Variants in PCNT observed in about 807,000 individuals in gnomAD.
PCNT encodes kendrin.
Under a neutral mutation model 380.4 loss-of-function variants are expected in PCNT, and 319 were observed. That is an observed-to-expected ratio of 0.84 (90% CI 0.77 to 0.92). The LOEUF is 0.92. Among genes scored for constraint, PCNT ranks in the 40% least tolerant of loss-of-function variants. PCNT has a pLI of 0.00. For synonymous variants in PCNT, 1,845 were observed against 1,735.2 expected (o/e 1.06, Z -1.57); for missense variants, 4,400 against 4,255.3 (o/e 1.03, Z -0.95).
chr21:46,353,222 G>C lies in PCNT; in HGVS notation c.1575G>C (p.Lys525Asn), dbSNP rs2084341524. The stretch of plus-strand genomic sequence containing the variant: ...AGCAACTGAGGATTTATTTTGAAAA[G>C]AAGTTAAGGGATGCTGAGAAAACTT... The part of the protein sequence containing the change: ...ELEQLRIYFE[K>N]KLRDAEKTYQ... Residue 525 changes from lysine (K) to asparagine (N), a missense_variant, in exon 10 of 47, where the codon AAG (lysine) becomes AAC (asparagine). Coordinates refer to ENST00000359568, the MANE Select transcript of PCNT (RefSeq NM_006031.6). 1 of 1,614,046 alleles carries C rather than the reference G, an allele frequency of 6.2e-7. No homozygotes were observed. Among genetic ancestry groups the C allele is most frequent in the African/African-American group, 1.3e-5 (1 of 74,922 alleles).
Position 46,328,990 on chromosome 21 carries a change from G to A in PCNT, c.267+2401G>A, listed in dbSNP as rs534405872. Among the ~76,000 whole-genome samples the A allele has an allele frequency of 3.3e-5, 5 of 150,724 alleles. No individual in the cohort carries two copies. The East Asian group carries it at 9.9e-4, about 30-fold the overall frequency. On this transcript the variant is annotated intron_variant, in intron 2 of 46. Coordinates refer to ENST00000359568, the MANE Select transcript of PCNT (RefSeq NM_006031.6). ...GGGGTTTCACCACATTGGCCAGGCT[G>A]GTCTCGAACTCCTGACCTCGTGATC...
chr21:46,330,861 C>T (rs982157250), intron 2 of PCNT, among the ~76,000 whole-genome samples: 3 of 152,166 alleles, frequency 2.0e-5, no homozygotes, highest in African/African-American at 2.4e-5. Context: ...CATGCTGCGT[C>T]GGAGATCAGG....
intron 15 of PCNT, among the ~76,000 whole-genome samples, chr21:46,378,657 C>T (rs952398454): frequency 3.9e-5 from 6 of 152,180 alleles, no homozygotes; most frequent in Non-Finnish European, 5.9e-5. Flanking sequence ...TTCAAAATGA[C>T]GTTGAACACA....
Position 46,390,797 on chromosome 21 carries a change from A to G in PCNT, c.3968A>G (p.Lys1323Arg). Residue 1323 changes from lysine (K) to arginine (R), a missense_variant, in exon 20 of 47, where the codon AAG (lysine) becomes AGG (arginine). Lys to Arg is a conservative substitution (Grantham distance 26). Transcript: ENST00000359568. ...LECLKEESAA[K>R]AELALELHKT... ...TGTTTGAAGGAGGAGAGCGCAGCAA[A>G]GGCAGAGCTGGCGCTGGAGCTGCAC... 4 of 1,611,754 alleles carry G rather than the reference A, an allele frequency of 2.5e-6. No homozygotes were observed. The highest frequency in any genetic ancestry group is 3.4e-6 in the Non-Finnish European group (4 of 1,179,384).
At chr21:46,404,368 C>CT (rs2086560580) in intron 27 of PCNT, among the ~76,000 whole-genome samples, 1 of 144,290 alleles carries the variant, frequency 6.9e-6, no homozygotes, top group Non-Finnish European at 1.6e-5. Context: ...TCTGTCGGCT[C>CT]TGTTTTGATA....
At chr21:46,365,910 A>ATGGGGTTCTATTCATTCACTGCTG (rs2084911510) in intron 14 of PCNT, among the ~76,000 whole-genome samples, 4 of 116,976 alleles carry the variant, frequency 3.4e-5, no homozygotes, top group Non-Finnish European at 6.6e-5. Context: ...GTTCACTGCC[A>ATGGGGTTCTATTCATTCACTGCTG]TGGGGTTCTA....
chr21:46,416,901 A>G, intron 30 of PCNT, 62 bp downstream of exon 30: 1 of 1,527,958 alleles, frequency 6.5e-7, no homozygotes, highest in Non-Finnish European at 8.8e-7. Context: ...GCCCGGCGCC[A>G]CGGCAGCTGC....
At chr21:46,327,914 A>ACTGAGTC (rs2083441848) in intron 2 of PCNT, among the ~76,000 whole-genome samples, 1 of 152,182 alleles carries the variant, frequency 6.6e-6, no homozygotes, top group Admixed American at 6.5e-5. Context: ...GTGAGTGCAC[A>ACTGAGTC]CTGAGTCCTG....
rs776508471 is a variant in PCNT at position 46,326,605 on chromosome 21, G to A, written c.267+16G>A. The A allele has an allele frequency of 3.1e-6, 5 of 1,608,186 alleles. No individual in the cohort carries two copies. Among genetic ancestry groups the A allele is most frequent in the East Asian group, 2.2e-5 (1 of 44,868 alleles). On this transcript the variant is annotated intron_variant, in intron 2 of 46. Transcript: ENST00000359568. ...TGCAGCTCAGGTAGATTTGCTCAAT[G>A]TTGTATTTGAACATTTCGCTTATCT...
intron 27 of PCNT, among the ~76,000 whole-genome samples, chr21:46,409,586 T>G (rs1443283251): frequency 6.6e-6 from 1 of 152,220 alleles, no homozygotes; most frequent in Admixed American, 6.5e-5. Context: ...TGAATATGCT[T>G]GCATACGCTT....
Position 46,411,771 on chromosome 21 carries a change from C to G in PCNT, c.5698C>G (p.Arg1900Gly), listed in dbSNP as rs529740865. 2 of 1,606,598 alleles carry G rather than the reference C, an allele frequency of 1.2e-6. No homozygotes were observed. The highest frequency in any genetic ancestry group is 2.2e-5 in the East Asian group (1 of 44,734). Residue 1900 changes from arginine (R) to glycine (G), a missense_variant, in exon 28 of 47, where the codon CGC (arginine) becomes GGC (glycine). Transcript: ENST00000359568. ...GGAGGCCGTCCTGTTGGCCTTGGCCCGCATCCGCCGCGCCCTGGAGCAGCA... is the reference window on the plus strand; with the variant it reads ...GGAGGCCGTCCTGTTGGCCTTGGCCGGCATCCGCCGCGCCCTGGAGCAGCA... ...ELEAVLLALA[R>G]IRRALEQQPL...
intron 32 of PCNT, 54 bp downstream of exon 32, chr21:46,422,178 C>T: frequency 9.4e-6 from 15 of 1,602,106 alleles, no homozygotes; most frequent in Non-Finnish European, 1.3e-5. Flanking sequence ...CTCGGGGCAT[C>T]CCCCAAGCCC....
intron 15 of PCNT, among the ~76,000 whole-genome samples, chr21:46,368,915 G>A (rs761896691): frequency 3.1e-4 from 47 of 152,390 alleles, no homozygotes; most frequent in Middle Eastern, 3.4e-3. Context: ...GCATGCCACG[G>A]GAGGGCTTCC....
rs2087920008 is a variant in PCNT at position 46,435,281 on chromosome 21, A to G, written c.8752-623A>G. On this transcript the variant is annotated intron_variant, in intron 38 of 46. Coordinates refer to ENST00000359568, the MANE Select transcript of PCNT (RefSeq NM_006031.6). ...TCACTCTGTCGCCAGGCTGGAGTGC[A>G]GTGGCGCAATCTCAGCTCACTGTAA... Among the ~76,000 whole-genome samples, 6 of 152,022 alleles carry G rather than the reference A, an allele frequency of 3.9e-5. No homozygotes were observed. The South Asian group carries it at 1.0e-3, about 26-fold the overall frequency.
Position 46,441,006 on chromosome 21 carries a change from C to T in PCNT, c.9545C>T (p.Ser3182Phe). The change falls in exon 43 of 47, where the codon TCC (serine) becomes TTC (phenylalanine). Residue 3182 changes from serine to phenylalanine, a missense_variant. Ser to Phe is a radical substitution (Grantham distance 155). Transcript: ENST00000359568. ...SMIAHLGVFPSKAERKITSRP... is the reference protein window; with the variant it reads ...SMIAHLGVFPFKAERKITSRP... The stretch of plus-strand genomic sequence containing the variant: ...ATTGCCCATTTGGGGGTATTTCCTT[C>T]CAAAGCAGAACGGAAAATCACATCT... 1 of 1,614,146 alleles carries T rather than the reference C, an allele frequency of 6.2e-7. No individual in the cohort carries two copies. Among genetic ancestry groups the T allele is most frequent in the Non-Finnish European group, 8.5e-7 (1 of 1,179,986 alleles).
In PCNT at chr21:46,348,941, A is replaced by G. The variant is rs150809361; in HGVS notation, c.1033-71A>G. 1,562 of 1,065,142 alleles carry G rather than the reference A, an allele frequency of 1.5e-3. 33 individuals are homozygous for G. The East Asian group carries it at 0.034, about 23-fold the overall frequency. 66.0% of individuals were successfully genotyped at this position (1,065,142 alleles called of 1,614,324 possible). ...TTGCCTGGCCTGCTCAGAGGTTTTG[A>G]CTGTGTGATTTAAATTTCTTTAGCA... On this transcript the variant is annotated intron_variant, in intron 6 of 46. Transcript: ENST00000359568.
At chr21:46,403,484 C>G (rs1336359657) in intron 27 of PCNT, among the ~76,000 whole-genome samples, 1 of 121,134 alleles carries the variant, frequency 8.3e-6, no homozygotes, top group Non-Finnish European at 1.7e-5. Flanking sequence ...TGAATGAACA[C>G]AGCGTGGGAG....
At chr21:46,360,565 C>A (rs2084674865) in intron 13 of PCNT, among the ~76,000 whole-genome samples, 1 of 137,032 alleles carries the variant, frequency 7.3e-6, no homozygotes, top group Non-Finnish European at 1.5e-5. Context: ...GTCGCCCAGG[C>A]TGGAGTGCAG....
chr21:46,437,369 T>C (rs917836196), intron 40 of PCNT, among the ~76,000 whole-genome samples: 12 of 139,124 alleles, frequency 8.6e-5, no homozygotes, highest in African/African-American at 4.0e-4. Flanking sequence ...CCTGCTGCCA[T>C]GGGATGCTGC....
Sources: gnomAD v4.1 joint callset for allele counts (sites outside exome capture counted in the v4.1 genomes callset) on GRCh38, gnomAD v4.1.1 for gene constraint, MANE v1.5 for transcripts, NCBI Gene and HGNC (gene_info 2026-07-23, HGNC 2026-07-21) for gene names.